Variants in TTC7B observed in about 807,000 individuals in gnomAD.
The protein encoded by TTC7B is tetratricopeptide repeat domain 7B.
TTC7B carries 28 observed loss-of-function variants against 106.8 expected under a neutral mutation model. The observed-to-expected ratio is 0.26, with a 90% CI of 0.19 to 0.36. The LOEUF (loss-of-function observed/expected upper bound fraction) is 0.36, where lower values mean the gene tolerates loss of function less well. TTC7B is among the 10% of genes least tolerant of loss of function. The pLI is 1.00. For synonymous variants in TTC7B, 405 were observed against 430.6 expected, an observed-to-expected ratio of 0.94 and a Z score of 0.74; for missense variants, 862 against 1,076.4, an observed-to-expected ratio of 0.80 and a Z score of 2.79.
chr14:90,712,117 G>A (rs1001812853), intron 5 of TTC7B, among the ~76,000 whole-genome samples: 1 of 152,146 alleles, frequency 6.6e-6, no homozygotes, highest in Non-Finnish European at 1.5e-5. Flanking sequence ...TTAATACCTG[G>A]TAAGACAGAC....
Position 90,537,376 on chromosome 14 carries a change from G to GGCC in TTC7B, c.*3991_*3992insGGC, listed in dbSNP as rs1263632659. 8.6e-5 allele frequency: 2 copies of GGCC among 23,260 alleles called. 1 individual carries two copies. Among genetic ancestry groups the GGCC allele is most frequent in the South Asian group, 6.2e-3 (2 of 322 alleles). 1.4% of individuals were successfully genotyped at this position (23,260 alleles called of 1,614,324 possible). A position where few individuals can be genotyped will look rare whatever the true frequency, so the allele number is the denominator to read the frequency against. On this transcript the variant is annotated 3_prime_UTR_variant, in exon 20 of 20. Coordinates refer to ENST00000328459, the MANE Select transcript of TTC7B (RefSeq NM_001010854.2). Reference sequence around the variant, plus strand: ...TATTTTTTTTTTTTTGTAGAGATGGGGGGGGGGTCTCACCATGTTGCCCAG... The same window carrying GGCC: ...TATTTTTTTTTTTTTGTAGAGATGGGGCCGGGGGGGTCTCACCATGTTGCCCAG...
intron 15 of TTC7B, among the ~76,000 whole-genome samples, chr14:90,626,595 A>C (rs1283429899): frequency 6.6e-6 from 1 of 152,206 alleles, no homozygotes. Context: ...CTGAGAACTC[A>C]AATGTCTTCC....
chr14:90,632,672 G>A (rs916651857), intron 15 of TTC7B, among the ~76,000 whole-genome samples: 7 of 152,196 alleles, frequency 4.6e-5, no homozygotes, highest in African/African-American at 1.7e-4. Flanking sequence ...AAGTCAGTTC[G>A]TGGTTACGAG....
At chr14:90,610,038 A>G (rs1892809159) in intron 17 of TTC7B, among the ~76,000 whole-genome samples, 1 of 152,248 alleles carries the variant, frequency 6.6e-6, no homozygotes, top group Non-Finnish European at 1.5e-5. Context: ...GTATAGGTGT[A>G]TATGAAACAG....
intron 5 of TTC7B, among the ~76,000 whole-genome samples, chr14:90,720,634 C>T (rs1344969251): frequency 1.3e-5 from 2 of 152,178 alleles, no homozygotes; most frequent in African/African-American, 2.4e-5. Context: ...GGTCTTATAT[C>T]AGCAATTCCC....
At chr14:90,665,523 C>A (rs1309547467) in intron 9 of TTC7B, among the ~76,000 whole-genome samples, 2 of 152,220 alleles carry the variant, frequency 1.3e-5, no homozygotes, top group Non-Finnish European at 2.9e-5. Context: ...GTTACACAAA[C>A]TGGGTGCGCG....
At position 90,600,318 on chromosome 14, in the gene TTC7B, C is replaced by T. The variant is rs1892373749; in HGVS notation, c.1967-6692G>A. 6.6e-6 allele frequency among the ~76,000 whole-genome samples: 1 copy of T among 152,212 alleles called. No individual in the cohort carries two copies. Among genetic ancestry groups the T allele is most frequent in the African/African-American group, 2.4e-5 (1 of 41,450 alleles). On this transcript the variant is annotated intron_variant, in intron 17 of 19. Coordinates refer to ENST00000328459, the MANE Select transcript of TTC7B (RefSeq NM_001010854.2). This position sits in a 1 kb window ranked among gnomAD's most constrained non-coding sequence, Gnocchi z 4.3. ...GTGGTGGCTCCTTGCACCGCGCTGT[C>T]ACAGCTCTCCTCTCCATCTGCTGCT...
At chr14:90,615,345 G>T (rs1893026013) in intron 16 of TTC7B, among the ~76,000 whole-genome samples, 1 of 152,188 alleles carries the variant, frequency 6.6e-6, no homozygotes, top group Admixed American at 6.5e-5. Flanking sequence ...CTGGAAGGGG[G>T]TGGGAAGACT....
intron 9 of TTC7B, among the ~76,000 whole-genome samples, chr14:90,670,458 T>C (rs1886588908): frequency 6.6e-6 from 1 of 152,162 alleles, no homozygotes; most frequent in Non-Finnish European, 1.5e-5. Context: ...GTGAATGTAA[T>C]TAAATGCAAC....
intron 8 of TTC7B, among the ~76,000 whole-genome samples, chr14:90,679,105 TG>T (rs1886948386): frequency 6.6e-6 from 1 of 152,160 alleles, no homozygotes; most frequent in Non-Finnish European, 1.5e-5. Flanking sequence ...CTTCCCTGAT[TG>T]CACCAAGGCA....
chr14:90,781,025 G>T, intron 2 of TTC7B, 119 bp from the exon 3 acceptor site: 2 of 872,178 alleles, frequency 2.3e-6, no homozygotes, highest in Non-Finnish European at 3.6e-6. Context: ...GAGCTTGGAC[G>T]TGAATGTTCT....
chr14:90,788,762 A>C (rs923053383), intron 1 of TTC7B, among the ~76,000 whole-genome samples: 1 of 112,060 alleles, frequency 8.9e-6, no homozygotes, highest in African/African-American at 2.6e-5. Flanking sequence ...CAAGAGATTG[A>C]GATCAACCTG....
intron 5 of TTC7B, chr14:90,697,842 TTC>T (rs1360469999): frequency 6.6e-6 from 1 of 152,258 alleles, no homozygotes; most frequent in Non-Finnish European, 1.5e-5. Flanking sequence ...TGGGTGCGTA[TTC>T]CCAATTAAGC....
chr14:90,554,200 C>T (rs1172288831), intron 19 of TTC7B, among the ~76,000 whole-genome samples: 1 of 152,206 alleles, frequency 6.6e-6, no homozygotes, highest in Non-Finnish European at 1.5e-5. Context: ...GGAGACGGAC[C>T]GCAGCCCATC....
At position 90,536,744 on chromosome 14, in the gene TTC7B, T is replaced by A. The variant is rs983956001; in HGVS notation, c.*4624A>T. ...AGCAGGAGCCTGACAGCCTCCCAGC[T>A]CCCACGCTGCGGCCTGCAGAATAAC... On this transcript the variant is annotated 3_prime_UTR_variant, in exon 20 of 20. Coordinates refer to ENST00000328459, the MANE Select transcript of TTC7B (RefSeq NM_001010854.2). 1 of 152,282 alleles carries A rather than the reference T, an allele frequency of 6.6e-6. No homozygotes were observed. Among genetic ancestry groups the A allele is most frequent in the African/African-American group, 2.4e-5 (1 of 41,426 alleles). The allele number at this position is 152,282 out of a possible 1,614,324, so 9.4% of individuals were successfully genotyped here.
intron 19 of TTC7B, 98 bp from the exon 20 acceptor site, chr14:90,541,687 C>G: frequency 1.0e-6 from 1 of 954,192 alleles, no homozygotes; most frequent in South Asian, 2.4e-5. Context: ...TCCTCGGAGC[C>G]GGGAATATAT....
intron 3 of TTC7B, among the ~76,000 whole-genome samples, chr14:90,774,743 A>G (rs1426889609): frequency 2.0e-5 from 3 of 152,158 alleles, no homozygotes; most frequent in Non-Finnish European, 4.4e-5. Context: ...TCTTCCCCTA[A>G]AGAGTCCCCC....
At chr14:90,606,707 G>T (rs1488765828) in intron 17 of TTC7B, among the ~76,000 whole-genome samples, 3 of 152,134 alleles carry the variant, frequency 2.0e-5, no homozygotes, top group Admixed American at 2.0e-4. Flanking sequence ...GTTCTATAAG[G>T]GGGGCTATTT....
chr14:90,787,991 G>T (rs11159974), intron 1 of TTC7B, among the ~76,000 whole-genome samples: 105,572 of 152,044 alleles, frequency 0.69, 40,696 homozygotes, highest in Non-Finnish European at 0.86. Context: ...GGTGAAACCC[G>T]GTATCTACTA....
Sources: allele counts gnomAD v4.1 joint callset (sites outside exome capture counted in the v4.1 genomes callset), GRCh38; gene constraint gnomAD v4.1.1; non-coding constraint Gnocchi (gnomAD v3.1); transcripts MANE v1.5; gene names NCBI Gene and HGNC (gene_info 2026-07-23, HGNC 2026-07-21).